The following PPFIA2 variants were observed in gnomAD, a reference collection of about 807,000 sequenced individuals.
PPFIA2 encodes the protein PPFI scaffold protein A2, also known as liprin-alpha-2.
Under a neutral mutation model 175.5 loss-of-function variants are expected in PPFIA2, and 46 were observed. The ratio of observed to expected loss-of-function variants is 0.26; its 90% CI spans 0.21 to 0.34. The LOEUF (loss-of-function observed/expected upper bound fraction) is 0.34, where lower values mean the gene tolerates loss of function less well. Ranked by LOEUF, PPFIA2 falls within the 10% of genes least tolerant of loss-of-function variation. PPFIA2 has a pLI of 1.00. For missense variants in PPFIA2, 1,179 were observed against 1,506.1 expected, an observed-to-expected ratio of 0.78 and a Z score of 3.60; for synonymous variants, 568 against 511.4, an observed-to-expected ratio of 1.11 and a Z score of -1.49.
In PPFIA2 at chr12:81,446,674, G is replaced by T. The variant is rs571501510; in HGVS notation, c.406-954C>A. Among the ~76,000 whole-genome samples, 195 of 152,074 alleles carry T rather than the reference G, an allele frequency of 1.3e-3. 1 individual carries two copies. Among genetic ancestry groups the T allele is most frequent in the Non-Finnish European group, 2.3e-3 (153 of 67,946 alleles). On this transcript the variant is annotated intron_variant, in intron 5 of 32. Transcript: ENST00000549396. ...GTGGTGTCTACTTATGCAAAATAAA[G>T]AAGAAAATAAAGCAGAAATTACCCA...
chr12:81,555,003 T>C (rs1350178212), intron 4 of PPFIA2, among the ~76,000 whole-genome samples: 1 of 151,908 alleles, frequency 6.6e-6, no homozygotes, highest in Non-Finnish European at 1.5e-5. Context: ...CAGTTTGTGA[T>C]CAAATCTCAA....
intron 4 of PPFIA2, among the ~76,000 whole-genome samples, chr12:81,617,735 A>G (rs1203557027): frequency 6.6e-6 from 1 of 152,234 alleles, no homozygotes; most frequent in Non-Finnish European, 1.5e-5. Context: ...CAGTTCACAA[A>G]GCATAATGTC....
intron 22 of PPFIA2, among the ~76,000 whole-genome samples, chr12:81,304,431 A>G (rs1056243768): frequency 2.0e-5 from 3 of 152,230 alleles, no homozygotes; most frequent in African/African-American, 4.8e-5. Flanking sequence ...GTATAAACAC[A>G]TATACACATA....
chr12:81,410,006 T>C (rs1049040917), intron 7 of PPFIA2, among the ~76,000 whole-genome samples: 1 of 152,092 alleles, frequency 6.6e-6, no homozygotes, highest in Non-Finnish European at 1.5e-5. Flanking sequence ...TAGGAGACGA[T>C]AAATGGAATT....
At position 81,268,003 on chromosome 12, in the gene PPFIA2, C is replaced by T. The variant is rs1457132291; in HGVS notation, c.3395G>A (p.Ser1132Asn). The change falls in exon 29 of 33, where the codon AGC becomes AAC. Residue 1132 changes from serine (S) to asparagine (N), a missense_variant. By Grantham distance (46) the Ser-to-Asn change is conservative. This residue lies in a region of PPFIA2 where 245 missense variants were observed against 375.1 expected (regional missense o/e 0.65). Coordinates refer to ENST00000549396, the MANE Select transcript of PPFIA2 (RefSeq NM_003625.5). Reference sequence around the variant, plus strand: ...GGCTATAAGTGAGCCATGCACACCGCTCTCAAGTATATTATTTGCATATTC... The same window carrying T: ...GGCTATAAGTGAGCCATGCACACCGTTCTCAAGTATATTATTTGCATATTC... Reference protein sequence around the residue: ...LREYANNILESGVHGSLIALD... With the variant: ...LREYANNILENGVHGSLIALD... 9 of 1,597,644 alleles carry T rather than the reference C, an allele frequency of 5.6e-6. No individual in the cohort carries two copies. Among genetic ancestry groups the T allele is most frequent in the Admixed American group, 1.7e-5 (1 of 57,890 alleles).
chr12:81,277,139 G>C (rs2136717130), intron 28 of PPFIA2, among the ~76,000 whole-genome samples, 178 bp downstream of exon 28: 1 of 152,030 alleles, frequency 6.6e-6, no homozygotes, highest in Non-Finnish European at 1.5e-5. Context: ...CCTATAATAT[G>C]GAGATACCTG....
intron 4 of PPFIA2, among the ~76,000 whole-genome samples, chr12:81,460,060 G>A (rs1379275104): frequency 6.6e-6 from 1 of 152,004 alleles, no homozygotes; most frequent in Non-Finnish European, 1.5e-5. Flanking sequence ...AGTACATTTA[G>A]AGGTACCCTT....
chr12:81,263,599 T>G (rs1217387944), intron 30 of PPFIA2, among the ~76,000 whole-genome samples: 2 of 152,218 alleles, frequency 1.3e-5, no homozygotes, highest in African/African-American at 4.8e-5. Context: ...AATAAAACTT[T>G]TCATACAATT....
Position 81,735,284 on chromosome 12 carries a change from T to C in PPFIA2, c.249+18689A>G, listed in dbSNP as rs1304756730. Among the ~76,000 whole-genome samples the C allele has an allele frequency of 2.0e-5, 3 of 151,820 alleles. No individual in the cohort carries two copies. In the East Asian group the frequency reaches 5.8e-4, roughly 29 times the overall value. On this transcript the variant is annotated intron_variant, in intron 3 of 32. Coordinates refer to ENST00000549396, the MANE Select transcript of PPFIA2 (RefSeq NM_003625.5). Reference sequence around the variant, plus strand: ...AATGTCTCTAATTCTGGGTATTATCTTTTGATTATAAAAATTCTAGATGGT... The same window carrying C: ...AATGTCTCTAATTCTGGGTATTATCCTTTGATTATAAAAATTCTAGATGGT...
intron 4 of PPFIA2, among the ~76,000 whole-genome samples, chr12:81,637,077 T>C (rs1272793357): frequency 3.3e-5 from 5 of 151,754 alleles, no homozygotes. Flanking sequence ...TCTTTTTTTT[T>C]TCTTTTTGTG....
chr12:81,528,911 A>G (rs1171800507), intron 4 of PPFIA2, among the ~76,000 whole-genome samples: 1 of 152,060 alleles, frequency 6.6e-6, no homozygotes, highest in Non-Finnish European at 1.5e-5. Flanking sequence ...GAGTACAAAA[A>G]ATAGATTAAC....
chr12:81,600,445 A>G (rs745802788), intron 4 of PPFIA2, among the ~76,000 whole-genome samples: 7 of 151,874 alleles, frequency 4.6e-5, no homozygotes, highest in Non-Finnish European at 7.4e-5. Context: ...CTCTTGCATA[A>G]ATCGCTTATG....
At chr12:81,643,853 T>C (rs113791019) in intron 4 of PPFIA2, among the ~76,000 whole-genome samples, 4 of 152,182 alleles carry the variant, frequency 2.6e-5, no homozygotes, top group African/African-American at 4.8e-5. Context: ...AGAGTGATTT[T>C]AAAAGAGATA....
intron 17 of PPFIA2, chr12:81,350,336 C>T (rs911623126): frequency 4.6e-5 from 7 of 152,124 alleles, no homozygotes; most frequent in Non-Finnish European, 5.9e-5. Context: ...AAGCGAAGTG[C>T]TAAGACCTGC....
chr12:81,752,601 G>A (rs1311202489), intron 3 of PPFIA2, among the ~76,000 whole-genome samples: 1 of 152,144 alleles, frequency 6.6e-6, no homozygotes, highest in Non-Finnish European at 1.5e-5. Flanking sequence ...TTCACACAGG[G>A]TTATGGGTTT....
At chr12:81,670,582 T>C (rs1044182620) in intron 4 of PPFIA2, among the ~76,000 whole-genome samples, 2 of 151,964 alleles carry the variant, frequency 1.3e-5, no homozygotes, top group African/African-American at 4.8e-5. Flanking sequence ...CTATTGGCTA[T>C]TGCTTCCTCT....
intron 8 of PPFIA2, among the ~76,000 whole-genome samples, chr12:81,404,824 T>C (rs1163294316): frequency 3.3e-5 from 5 of 152,214 alleles, no homozygotes; most frequent in Admixed American, 2.6e-4. Context: ...ACTTAATTTA[T>C]AGTAAGAATT....
intron 28 of PPFIA2, among the ~76,000 whole-genome samples, chr12:81,276,134 A>G (rs1238532543): frequency 6.6e-6 from 1 of 152,172 alleles, no homozygotes; most frequent in African/African-American, 2.4e-5. Context: ...AGCAAAAAAA[A>G]GCCCACGTAT....
chr12:81,734,589 A>G (rs1475250492), intron 3 of PPFIA2, among the ~76,000 whole-genome samples: 1 of 151,840 alleles, frequency 6.6e-6, no homozygotes, highest in East Asian at 1.9e-4. Context: ...GTCATTGTCA[A>G]CAAGCACTTT....
Sources: gnomAD v4.1 joint callset for allele counts (sites outside exome capture counted in the v4.1 genomes callset) on GRCh38, gnomAD v4.1.1 for gene constraint, gnomAD v4.1.1 regional missense constraint, MANE v1.5 for transcripts, NCBI Gene and HGNC (gene_info 2026-07-23, HGNC 2026-07-21) for gene names.